The following MACROD2 variants were observed in gnomAD, a reference collection of about 807,000 sequenced individuals.
MACROD2 encodes the protein ADP-ribose glycohydrolase MACROD2.
A neutral mutation model predicts 70.4 loss-of-function variants in MACROD2; 36 were observed. The observed-to-expected ratio is 0.51, with a 90% CI of 0.39 to 0.68. The LOEUF (loss-of-function observed/expected upper bound fraction) is 0.68, where lower values mean the gene tolerates loss of function less well. Ranked by LOEUF, MACROD2 falls within the 30% of genes least tolerant of loss-of-function variation. The pLI, the probability that MACROD2 is intolerant of heterozygous loss-of-function variation, is 0.00. For missense variants in MACROD2, 496 were observed against 538.4 expected (o/e 0.92, Z 0.78); for synonymous variants, 172 against 178.8 (o/e 0.96, Z 0.30).
chr20:14,943,280 G>A lies in MACROD2; in HGVS notation c.418+258321G>A, dbSNP rs191345537. Among the ~76,000 whole-genome samples, 406 of 152,190 alleles carry A rather than the reference G, an allele frequency of 2.7e-3. 2 individuals are homozygous for A. Among genetic ancestry groups the A allele is most frequent in the African/African-American group, 9.5e-3 (393 of 41,528 alleles). ...CATAAGTGAGAGAATAATTAGAAGA[G>A]ACTTTAAGTATGTTAAATGTCTACA... is the stretch of plus-strand genomic sequence containing the variant. On this transcript the variant is annotated intron_variant, in intron 5 of 17. Transcript: ENST00000684519.
rs908308910 is a variant in MACROD2 at position 15,454,649 on chromosome 20, T to G, written c.571+23214T>G. On this transcript the variant is annotated intron_variant, in intron 7 of 17. Transcript: ENST00000684519. ...GACAGCCTAACATTCCAGGCCAAGT[T>G]TCCAGCAGTCACGCTGGCTCTCTTC... is the stretch of plus-strand genomic sequence containing the variant. Among the ~76,000 whole-genome samples, 12 of 126,590 alleles carry G rather than the reference T, an allele frequency of 9.5e-5. 2 individuals are homozygous for G. The highest frequency in any genetic ancestry group is 1.9e-4 in the Non-Finnish European group (11 of 58,852). 83.0% of individuals were successfully genotyped at this position (126,590 alleles called of 152,430 possible). A position where few individuals can be genotyped will look rare whatever the true frequency, so the allele number is the denominator to read the frequency against.
intron 6 of MACROD2, among the ~76,000 whole-genome samples, chr20:15,327,553 C>G (rs573808583): frequency 3.3e-5 from 5 of 152,072 alleles, no homozygotes. Flanking sequence ...GGAAAAGCCC[C>G]TTATAAAACC....
chr20:14,054,015 A>G (rs1208361854), intron 2 of MACROD2, among the ~76,000 whole-genome samples: 1 of 152,054 alleles, frequency 6.6e-6, no homozygotes, highest in Admixed American at 6.6e-5. Flanking sequence ...TATAGAAACC[A>G]TCTTGCGAAT....
intron 3 of MACROD2, among the ~76,000 whole-genome samples, chr20:14,433,804 T>A (rs2084024326): frequency 2.0e-5 from 3 of 152,124 alleles, no homozygotes; most frequent in South Asian, 2.1e-4. Flanking sequence ...AGAAACATTT[T>A]TTTTTTCAAT....
At chr20:14,483,414 AT>A (rs377082062) in intron 3 of MACROD2, among the ~76,000 whole-genome samples, 7 of 149,824 alleles carry the variant, frequency 4.7e-5, no homozygotes, top group Non-Finnish European at 8.9e-5. Flanking sequence ...TTTTATTTTT[AT>A]TTTTTTTTGA....
intron 8 of MACROD2, among the ~76,000 whole-genome samples, chr20:15,844,815 G>A (rs550793270): frequency 6.6e-6 from 1 of 152,030 alleles, no homozygotes; most frequent in East Asian, 1.9e-4. Flanking sequence ...AAAACTACAA[G>A]GCAGTACAAA....
chr20:15,884,876 C>T (rs1461338377), intron 9 of MACROD2, among the ~76,000 whole-genome samples: 1 of 152,044 alleles, frequency 6.6e-6, no homozygotes, highest in Non-Finnish European at 1.5e-5. Context: ...GGTCCCTCTT[C>T]CTGTAGAGAG....
intron 3 of MACROD2, among the ~76,000 whole-genome samples, chr20:14,125,996 A>G (rs1477753397): frequency 6.6e-6 from 1 of 152,206 alleles, no homozygotes; most frequent in Admixed American, 6.5e-5. Context: ...GTGACTTGAT[A>G]TACCCCTTTT....
At chr20:14,097,920 T>G (rs1217606686) in intron 3 of MACROD2, among the ~76,000 whole-genome samples, 1 of 152,212 alleles carries the variant, frequency 6.6e-6, no homozygotes, top group Non-Finnish European at 1.5e-5. Context: ...AGATGTCAAG[T>G]GTTGAATTTT....
chr20:15,220,248 CT>C (rs2076847744), intron 5 of MACROD2, among the ~76,000 whole-genome samples: 1 of 152,210 alleles, frequency 6.6e-6, no homozygotes. Flanking sequence ...ATTGTTTTCT[CT>C]AATCTGGTAC....
intron 4 of MACROD2, among the ~76,000 whole-genome samples, chr20:14,642,492 C>T (rs1009885898): frequency 1.3e-5 from 2 of 152,118 alleles, no homozygotes; most frequent in African/African-American, 4.8e-5. Flanking sequence ...TTTTGATGTG[C>T]CTTTCTCACT....
chr20:15,505,704 T>C (rs1046164848), intron 8 of MACROD2, among the ~76,000 whole-genome samples: 1 of 152,122 alleles, frequency 6.6e-6, no homozygotes, highest in Non-Finnish European at 1.5e-5. Flanking sequence ...AAGTGTTTGG[T>C]TCATCTTTGA....
intron 5 of MACROD2, among the ~76,000 whole-genome samples, chr20:15,048,580 A>G (rs1051772766): frequency 1.3e-5 from 2 of 152,158 alleles, no homozygotes; most frequent in Non-Finnish European, 2.9e-5. Context: ...TACATATAAA[A>G]TATCATTATT....
intron 5 of MACROD2, among the ~76,000 whole-genome samples, chr20:14,728,316 A>C (rs2071553716): frequency 6.6e-6 from 1 of 152,222 alleles, no homozygotes; most frequent in Non-Finnish European, 1.5e-5. Context: ...AAGTCCTTAT[A>C]ATTTAAACAT....
intron 8 of MACROD2, among the ~76,000 whole-genome samples, chr20:15,613,652 C>T (rs1213263771): frequency 4.6e-5 from 7 of 152,182 alleles, no homozygotes; most frequent in East Asian, 1.9e-4. Context: ...GATAAGAGGA[C>T]GGAGGCTTCC....
intron 3 of MACROD2, among the ~76,000 whole-genome samples, chr20:14,390,403 T>G (rs2083513880): frequency 6.6e-6 from 1 of 152,164 alleles, no homozygotes; most frequent in African/African-American, 2.4e-5. Context: ...ATTTTAAAAT[T>G]TATTTGAAAC....
chr20:15,516,060 T>A (rs753299002), intron 8 of MACROD2, among the ~76,000 whole-genome samples: 1 of 152,242 alleles, frequency 6.6e-6, no homozygotes, highest in Non-Finnish European at 1.5e-5. Context: ...CTTTGCTTTC[T>A]CTTTTCCTGC....
intron 3 of MACROD2, among the ~76,000 whole-genome samples, chr20:14,130,470 C>G (rs2054702717): frequency 6.6e-6 from 1 of 151,974 alleles, no homozygotes; most frequent in Non-Finnish European, 1.5e-5. Flanking sequence ...TTGCTTGAAC[C>G]CAGGAGGAGG....
In MACROD2 at chr20:14,804,205, AT is replaced by A. The variant is rs200757690; in HGVS notation, c.418+119255del. 2.6e-3 allele frequency among the ~76,000 whole-genome samples: 390 copies of A among 151,404 alleles called. 4 individuals carry two copies. The highest frequency in any genetic ancestry group is 8.8e-3 in the African/African-American group (361 of 41,252). On this transcript the variant is annotated intron_variant, in intron 5 of 17. Coordinates refer to ENST00000684519, the MANE Select transcript of MACROD2 (RefSeq NM_001351661.2). ...TTACATTTTGCCAAATTTATTTTTAATTTTTTTTTCTAGGAATAGGTCGTTA... is the reference window on the plus strand; with the variant it reads ...TTACATTTTGCCAAATTTATTTTTAATTTTTTTTCTAGGAATAGGTCGTTA...
Sources: gnomAD v4.1 joint callset for allele counts (sites outside exome capture counted in the v4.1 genomes callset) on GRCh38, gnomAD v4.1.1 for gene constraint, MANE v1.5 for transcripts, NCBI Gene and HGNC (gene_info 2026-07-23, HGNC 2026-07-21) for gene names.